The following PPARGC1A variants were observed in gnomAD, a reference collection of about 807,000 sequenced individuals.
PPARGC1A encodes the protein peroxisome proliferator-activated receptor gamma coactivator 1-alpha.
A neutral mutation model predicts 88.7 loss-of-function variants in PPARGC1A; 25 were observed. The observed-to-expected ratio is 0.28, with a 90% CI of 0.21 to 0.39. PPARGC1A has a LOEUF of 0.39. Ranked by LOEUF, PPARGC1A falls within the 10% of genes least tolerant of loss-of-function variation. PPARGC1A has a pLI of 1.00. For missense variants in PPARGC1A, 880 were observed against 968.7 expected (o/e 0.91, Z 1.22); for synonymous variants, 363 against 355.6 (o/e 1.02, Z -0.24).
the PPARGC1A span, among the ~76,000 whole-genome samples, chr4:24,268,999 C>T: frequency 6.6e-6 from 1 of 152,008 alleles, no homozygotes; most frequent in Non-Finnish European, 1.5e-5. Context: ...TGTAAATGAA[C>T]AAGTGGGTGG....
chr4:24,139,063 T>C, the PPARGC1A span, among the ~76,000 whole-genome samples: 2 of 152,268 alleles, frequency 1.3e-5, no homozygotes, highest in East Asian at 3.9e-4. Flanking sequence ...TTTGAATCAA[T>C]GGTGGATGCA....
the PPARGC1A span, among the ~76,000 whole-genome samples, chr4:24,319,683 T>C: frequency 7.2e-5 from 11 of 152,254 alleles, no homozygotes; most frequent in Non-Finnish European, 1.5e-5. Flanking sequence ...GATAGAATTA[T>C]ATGTTCATAC....
rs138934461 is a variant in PPARGC1A at position 23,798,792 on chromosome 4, T to A, written c.2294-2867A>T. On this transcript the variant is annotated intron_variant, in intron 12 of 12. Coordinates refer to ENST00000264867, the MANE Select transcript of PPARGC1A (RefSeq NM_013261.5). ...GTAAATAGAAAGACACACAGACTACTGATTCATGGCAACTAGAACTTAAAT... is the reference window on the plus strand; with the variant it reads ...GTAAATAGAAAGACACACAGACTACAGATTCATGGCAACTAGAACTTAAAT... Among the ~76,000 whole-genome samples, 95 of 152,290 alleles carry A rather than the reference T, an allele frequency of 6.2e-4. 1 individual carries two copies. The Middle Eastern group carries it at 0.014, about 22-fold the overall frequency.
chr4:24,387,531 C>T, the PPARGC1A span, among the ~76,000 whole-genome samples: 2 of 152,002 alleles, frequency 1.3e-5, no homozygotes, highest in Non-Finnish European at 1.5e-5. Flanking sequence ...CGAGACCATC[C>T]TGGCCAACAT....
the PPARGC1A span, among the ~76,000 whole-genome samples, chr4:24,131,294 G>A: frequency 1.3e-5 from 2 of 152,138 alleles, no homozygotes; most frequent in South Asian, 4.1e-4. Context: ...CTGCTGGTTC[G>A]TCCAAAAGCA....
chr4:24,020,910 C>T, the PPARGC1A span, among the ~76,000 whole-genome samples: 1 of 152,188 alleles, frequency 6.6e-6, no homozygotes, highest in East Asian at 1.9e-4. Context: ...ACCGAGGGTG[C>T]TGTTACGAGT....
chr4:23,912,960 GT>G, the PPARGC1A span, among the ~76,000 whole-genome samples: 23 of 140,598 alleles, frequency 1.6e-4, no homozygotes, highest in Middle Eastern at 3.6e-3. Context: ...GGCTAATTTC[GT>G]TTTTTTTTTT....
At chr4:23,868,383 A>T (rs1023862960) in intron 2 of PPARGC1A, among the ~76,000 whole-genome samples, 1 of 152,090 alleles carries the variant, frequency 6.6e-6, no homozygotes, top group African/African-American at 2.4e-5. Context: ...GATCTTGGAT[A>T]TGTCTTATTT....
the PPARGC1A span, among the ~76,000 whole-genome samples, chr4:23,979,095 A>G: frequency 1.3e-5 from 2 of 152,210 alleles, no homozygotes; most frequent in Admixed American, 6.5e-5. Context: ...GGATAATTTC[A>G]TGTATAAAAA....
At chr4:24,069,038 T>C in the PPARGC1A span, among the ~76,000 whole-genome samples, 1 of 152,216 alleles carries the variant, frequency 6.6e-6, no homozygotes, top group Non-Finnish European at 1.5e-5. Context: ...ATCTACAGCA[T>C]TTATTAAGCA....
At chr4:24,151,654 T>G in the PPARGC1A span, among the ~76,000 whole-genome samples, 4 of 152,196 alleles carry the variant, frequency 2.6e-5, no homozygotes, top group Non-Finnish European at 4.4e-5. Context: ...CACAACAATC[T>G]GTTCACAAAG....
intron 12 of PPARGC1A, among the ~76,000 whole-genome samples, chr4:23,799,454 T>C (rs1236809861): frequency 6.6e-6 from 1 of 152,226 alleles, no homozygotes; most frequent in African/African-American, 2.4e-5. Flanking sequence ...CTGAAGGGGT[T>C]GAATTCTTTG....
the PPARGC1A span, among the ~76,000 whole-genome samples, chr4:23,912,483 GT>G: frequency 1.3e-5 from 2 of 152,194 alleles, no homozygotes; most frequent in Admixed American, 6.5e-5. Context: ...TAAAGCACTA[GT>G]TTAGATGTTG....
chr4:24,040,387 C>T, the PPARGC1A span, among the ~76,000 whole-genome samples: 4 of 152,192 alleles, frequency 2.6e-5, no homozygotes, highest in African/African-American at 9.7e-5. Context: ...CCAAAATAAG[C>T]AGATGTAATC....
At chr4:24,026,014 G>A in the PPARGC1A span, among the ~76,000 whole-genome samples, 2 of 152,130 alleles carry the variant, frequency 1.3e-5, no homozygotes, top group African/African-American at 4.8e-5. Flanking sequence ...GTAATGCTGT[G>A]CTTTGTCTGC....
chr4:24,069,445 T>C, the PPARGC1A span, among the ~76,000 whole-genome samples: 1 of 152,220 alleles, frequency 6.6e-6, no homozygotes, highest in Non-Finnish European at 1.5e-5. Flanking sequence ...TGAGTCTACA[T>C]TGACATGACA....
At chr4:24,338,084 C>G in the PPARGC1A span, among the ~76,000 whole-genome samples, 1 of 152,148 alleles carries the variant, frequency 6.6e-6, no homozygotes, top group Non-Finnish European at 1.5e-5. Flanking sequence ...TTTGTTTTAA[C>G]TGCCAGGAAA....
At chr4:24,124,572 G>A in the PPARGC1A span, among the ~76,000 whole-genome samples, 1 of 152,182 alleles carries the variant, frequency 6.6e-6, no homozygotes, top group Non-Finnish European at 1.5e-5. Flanking sequence ...CTTTGCCGAA[G>A]TGACTTGTTC....
intron 10 of PPARGC1A, among the ~76,000 whole-genome samples, chr4:23,811,357 G>C (rs1456348749): frequency 6.6e-6 from 1 of 152,118 alleles, no homozygotes; most frequent in East Asian, 1.9e-4. Context: ...GCCTTGGCTA[G>C]CTTAGATGCA....
Sources: allele counts gnomAD v4.1 joint callset (sites outside exome capture counted in the v4.1 genomes callset), GRCh38; gene constraint gnomAD v4.1.1; transcripts MANE v1.5; gene names NCBI Gene and HGNC (gene_info 2026-07-23, HGNC 2026-07-21).